Variants in ZNF428 observed in about 807,000 individuals in gnomAD.
ZNF428 encodes zinc finger protein 428, also known as enzyme-like protein PIT13.
ZNF428 carries 5 observed loss-of-function variants against 15.6 expected under a neutral mutation model. The ratio of observed to expected loss-of-function variants is 0.32; its 90% CI spans 0.17 to 0.67. The LOEUF is 0.67. ZNF428 is among the 30% of genes least tolerant of loss of function. The pLI, the probability that ZNF428 is intolerant of heterozygous loss-of-function variation, is 0.73. For missense variants in ZNF428, 237 were observed against 256.0 expected, an observed-to-expected ratio of 0.93 and a Z score of 0.51; for synonymous variants, 97 against 102.2, an observed-to-expected ratio of 0.95 and a Z score of 0.31.
At chr19:43,616,915 C>G (rs1201349153) in intron 1 of ZNF428, among the ~76,000 whole-genome samples, 1 of 151,706 alleles carries the variant, frequency 6.6e-6, no homozygotes, top group East Asian at 1.9e-4. Flanking sequence ...ATCAGCCTCC[C>G]TAGTAGCTGG....
chr19:43,615,896 G>A (rs540233288), intron 1 of ZNF428, among the ~76,000 whole-genome samples: 34 of 152,326 alleles, frequency 2.2e-4, no homozygotes, highest in Non-Finnish European at 1.5e-5. Flanking sequence ...CTATGCGGAA[G>A]CTCTCCAAAC....
chr19:43,617,250 CCG>C (rs1470416243), intron 1 of ZNF428, among the ~76,000 whole-genome samples: 2 of 152,086 alleles, frequency 1.3e-5, no homozygotes, highest in African/African-American at 2.4e-5. Flanking sequence ...CGGACCGCCC[CCG>C]CCCCCCACCA....
chr19:43,614,296 C>G lies in ZNF428; in HGVS notation c.9G>C (p.Glu3Asp), dbSNP rs762150538. Residue 3 changes from glutamate (E) to aspartate (D), a missense_variant, in exon 2 of 3, where the codon GAG (glutamate) becomes GAC (aspartate). Transcript: ENST00000300811. ...CCCCAGTCTCAGCTGGCTCACGGGT[C>G]TCTGTCATGACCGGGGGAGGGGACA... Reference protein sequence around the residue: MTETREPAETGGY... With the variant: MTDTREPAETGGY... 1.9e-6 allele frequency: 3 copies of G among 1,608,522 alleles called. No homozygotes were observed. The highest frequency in any genetic ancestry group is 2.5e-6 in the Non-Finnish European group (3 of 1,176,982).
At chr19:43,608,801 G>A (rs905202977) in intron 2 of ZNF428, among the ~76,000 whole-genome samples, 17 of 149,654 alleles carry the variant, frequency 1.1e-4, no homozygotes, top group Non-Finnish European at 2.2e-4. Flanking sequence ...GGTGGCGGGC[G>A]CCTGTAATCC....
In ZNF428 at chr19:43,607,411, G is replaced by C. The variant is rs2005852; in HGVS notation, c.*206C>G. 1,032 of 545,418 alleles carry C rather than the reference G, an allele frequency of 1.9e-3. 7 individuals are homozygous for C. In the African/African-American group the frequency reaches 0.021, roughly 11 times the overall value. The allele number at this position is 545,418 out of a possible 1,614,324, so 33.8% of individuals were successfully genotyped here. A position where few individuals can be genotyped will look rare whatever the true frequency, so the allele number is the denominator to read the frequency against. ...CACACACACAAACACACACACGGGC[G>C]GGAATACACACACACACACACACAC... On this transcript the variant is annotated 3_prime_UTR_variant, in exon 3 of 3. Coordinates refer to ENST00000300811, the MANE Select transcript of ZNF428 (RefSeq NM_182498.4). This position sits in a 1 kb window ranked among gnomAD's most constrained non-coding sequence, Gnocchi z 5.1.
At chr19:43,613,159 C>G (rs1973322773) in intron 2 of ZNF428, 2 of 1,551,510 alleles carry the variant, frequency 1.3e-6, no homozygotes, top group African/African-American at 1.4e-5. Context: ...AATCTAGAAC[C>G]CCCAGAAGAG....
At chr19:43,615,273 C>T (rs1973360980) in intron 1 of ZNF428, among the ~76,000 whole-genome samples, 1 of 152,094 alleles carries the variant, frequency 6.6e-6, no homozygotes, top group Non-Finnish European at 1.5e-5. Flanking sequence ...TGTCCCCACA[C>T]CCAGCTAATT....
chr19:43,612,397 C>T lies in ZNF428; in HGVS notation c.76+1832G>A, dbSNP rs1423814556. ...TCCGCAGCAAAGCAAGAACACCCAGCAGGGTGAGCACCGACACCAGGACCA... is the reference window on the plus strand; with the variant it reads ...TCCGCAGCAAAGCAAGAACACCCAGTAGGGTGAGCACCGACACCAGGACCA... On this transcript the variant is annotated intron_variant, in intron 2 of 2. Coordinates refer to ENST00000300811, the MANE Select transcript of ZNF428 (RefSeq NM_182498.4). The surrounding 1 kb of genome is among the most constrained non-coding windows in gnomAD (Gnocchi z 4.2). 2.6e-6 allele frequency: 4 copies of T among 1,551,714 alleles called. No homozygotes were observed. Among genetic ancestry groups the T allele is most frequent in the African/African-American group, 1.4e-5 (1 of 73,154 alleles).
Position 43,612,362 on chromosome 19 carries a change from A to G in ZNF428, c.76+1867T>C. On this transcript the variant is annotated intron_variant, in intron 2 of 2. Coordinates refer to ENST00000300811, the MANE Select transcript of ZNF428 (RefSeq NM_182498.4). This position sits in a 1 kb window ranked among gnomAD's most constrained non-coding sequence, Gnocchi z 4.2. Reference sequence around the variant, plus strand: ...AGCCCCTTCTAACCGGCCCAGCAGCAGGTCCCGAGTCCGCAGCAAAGCAAG... The same window carrying G: ...AGCCCCTTCTAACCGGCCCAGCAGCGGGTCCCGAGTCCGCAGCAAAGCAAG... 6.4e-7 allele frequency: 1 copy of G among 1,551,726 alleles called. No individual in the cohort carries two copies. The highest frequency in any genetic ancestry group is 2.0e-5 in the Admixed American group (1 of 51,006).
rs1973259428 is a variant in ZNF428, at chr19:43,608,084, C to T, written c.100G>A (p.Glu34Lys). The change falls in exon 3 of 3, where the codon GAA (glutamate) becomes AAA (lysine). Residue 34 changes from glutamate (E) to lysine (K), a missense_variant. By Grantham distance (56) the Glu-to-Lys change is moderately conservative. Transcript: ENST00000300811. Reference sequence around the variant, plus strand: ...GAGTCCGGCTCTGAGAGAGTGTATTCTGAATCAGAGGAATGCTCGGGGCCT... The same window carrying T: ...GAGTCCGGCTCTGAGAGAGTGTATTTTGAATCAGAGGAATGCTCGGGGCCT... ...SPGPEHSSDS[E>K]YTLSEPDSEE... is the part of the protein sequence containing the mutation. The T allele has an allele frequency of 1.2e-6, 2 of 1,613,496 alleles. No homozygotes were observed. Among genetic ancestry groups the T allele is most frequent in the Non-Finnish European group, 8.5e-7 (1 of 1,179,754 alleles).
At chr19:43,613,793 A>C in intron 2 of ZNF428, 3 of 1,550,032 alleles carry the variant, frequency 1.9e-6, no homozygotes, top group Non-Finnish European at 2.6e-6. Context: ...GAGAGAGCAC[A>C]GACAATCCAG....
rs1973250654 is a variant in ZNF428 at position 43,607,491 on chromosome 19, T to C, written c.*126A>G. The C allele has an allele frequency of 8.0e-7, 1 of 1,243,446 alleles. No homozygotes were observed. The highest frequency in any genetic ancestry group is 1.1e-6 in the Non-Finnish European group (1 of 921,176). 77.0% of individuals were successfully genotyped at this position (1,243,446 alleles called of 1,614,324 possible). On this transcript the variant is annotated 3_prime_UTR_variant, in exon 3 of 3. Coordinates refer to ENST00000300811, the MANE Select transcript of ZNF428 (RefSeq NM_182498.4). This position sits in a 1 kb window ranked among gnomAD's most constrained non-coding sequence, Gnocchi z 5.1. The stretch of plus-strand genomic sequence containing the variant: ...TGGCTTTTATTCTGGCCATCACACA[T>C]CTACTTCTAAGACAACACAGACCGG...
intron 2 of ZNF428, among the ~76,000 whole-genome samples, chr19:43,611,791 C>T (rs986289611): frequency 2.6e-5 from 4 of 152,218 alleles, no homozygotes; most frequent in African/African-American, 9.6e-5. Flanking sequence ...GGGCAGTGGC[C>T]CCCCTCCCCA....
At chr19:43,609,872 GT>G (rs1416932453) in intron 2 of ZNF428, among the ~76,000 whole-genome samples, 4 of 152,130 alleles carry the variant, frequency 2.6e-5, no homozygotes, top group African/African-American at 9.7e-5. Context: ...GGTGTGGGAA[GT>G]ACCAGCTTCT....
At position 43,607,572 on chromosome 19, in the gene ZNF428, T is replaced by G; in HGVS notation, c.*45A>C. On this transcript the variant is annotated 3_prime_UTR_variant, in exon 3 of 3. Coordinates refer to ENST00000300811, the MANE Select transcript of ZNF428 (RefSeq NM_182498.4). The surrounding 1 kb of genome is among the most constrained non-coding windows in gnomAD (Gnocchi z 5.1). Reference sequence around the variant, plus strand: ...AACCCCAATTTCCTCAGCCCCCTCCTCCCACCCCACCCCTTCTGCCAAGCT... The same window carrying G: ...AACCCCAATTTCCTCAGCCCCCTCCGCCCACCCCACCCCTTCTGCCAAGCT... 2 of 1,130,008 alleles carry G rather than the reference T, an allele frequency of 1.8e-6. No homozygotes were observed. The highest frequency in any genetic ancestry group is 2.5e-6 in the Non-Finnish European group (2 of 810,594). 70.0% of individuals were successfully genotyped at this position (1,130,008 alleles called of 1,614,324 possible).
chr19:43,610,593 C>A (rs888668728), intron 2 of ZNF428, among the ~76,000 whole-genome samples: 1 of 152,200 alleles, frequency 6.6e-6, no homozygotes, highest in African/African-American at 2.4e-5. Flanking sequence ...GTCTGGTTCA[C>A]TGCTGTGGCC....
Position 43,607,650 on chromosome 19 carries a change from C to G in ZNF428, c.534G>C (p.Gly178=), listed in dbSNP as rs1464855495. 6.2e-7 allele frequency: 1 copy of G among 1,602,700 alleles called. No individual in the cohort carries two copies. The highest frequency in any genetic ancestry group is 2.2e-5 in the East Asian group (1 of 44,700). ...CACCCCGGGCATGCAGCATGAAGTG[C>G]CCGTGCAGCTCCCCCAGGTTGTCGA... ...DSFDNLGELH[G]HFMLHARGEV The change falls in exon 3 of 3, where the codon GGG becomes GGC. Residue 178 remains glycine, a synonymous_variant. Transcript: ENST00000300811. This position sits in a 1 kb window ranked among gnomAD's most constrained non-coding sequence, Gnocchi z 5.1.
intron 2 of ZNF428, chr19:43,613,079 A>G (rs1164358314): frequency 1.3e-6 from 2 of 1,551,462 alleles, no homozygotes; most frequent in Non-Finnish European, 1.7e-6. Flanking sequence ...TCGCACCCGG[A>G]AGGGAATTCT....
chr19:43,607,335 A>G lies in ZNF428; in HGVS notation c.*282T>C. ...CGCAGTAAATGTTATCTTTCCCAAA[A>G]GACCCCAAGGTTCCCCAAGAAGGAG... On this transcript the variant is annotated 3_prime_UTR_variant, in exon 3 of 3. Transcript: ENST00000300811. This position sits in a 1 kb window ranked among gnomAD's most constrained non-coding sequence, Gnocchi z 5.1. 2.5e-6 allele frequency: 1 copy of G among 399,024 alleles called. No individual in the cohort carries two copies. The highest frequency in any genetic ancestry group is 4.4e-6 in the Non-Finnish European group (1 of 225,446). The allele number at this position is 399,024 out of a possible 1,614,324, so 24.7% of individuals were successfully genotyped here. A position where few individuals can be genotyped will look rare whatever the true frequency, so the allele number is the denominator to read the frequency against.
Sources: gnomAD v4.1 joint callset for allele counts (sites outside exome capture counted in the v4.1 genomes callset) on GRCh38, gnomAD v4.1.1 for gene constraint, Gnocchi (gnomAD v3.1) non-coding constraint, MANE v1.5 for transcripts, NCBI Gene and HGNC (gene_info 2026-07-23, HGNC 2026-07-21) for gene names.